The following DGKI variants were observed in gnomAD, a reference collection of about 807,000 sequenced individuals.
DGKI encodes the protein DAG kinase iota.
DGKI carries 55 observed loss-of-function variants against 147.5 expected under a neutral mutation model. That is an observed-to-expected ratio of 0.37 (90% CI 0.30 to 0.47). The LOEUF (loss-of-function observed/expected upper bound fraction) is 0.47. DGKI is among the 20% of genes least tolerant of loss of function. The pLI is 1.00. For synonymous variants in DGKI, 469 were observed against 477.1 expected, an observed-to-expected ratio of 0.98 and a Z score of 0.22; for missense variants, 1,007 against 1,323.8, an observed-to-expected ratio of 0.76 and a Z score of 3.71.
At chr7:137,603,882 T>C (rs1191424377) in intron 10 of DGKI, among the ~76,000 whole-genome samples, 2 of 152,178 alleles carry the variant, frequency 1.3e-5, no homozygotes, top group African/African-American at 4.8e-5. Flanking sequence ...ACAGCTGAAG[T>C]GAGCTGTGGT....
intron 1 of DGKI, among the ~76,000 whole-genome samples, chr7:137,711,712 T>A (rs1585397673): frequency 7.0e-6 from 1 of 142,920 alleles, no homozygotes; most frequent in African/African-American, 2.7e-5. Context: ...TTTTTTTTTT[T>A]AAGACGGAGT....
At chr7:137,520,660 G>T (rs3857867) in intron 21 of DGKI, among the ~76,000 whole-genome samples, 4,870 of 152,142 alleles carry the variant, frequency 0.032, 216 homozygotes, top group East Asian at 0.11. Flanking sequence ...AGCTGAAGCA[G>T]CTGAGAGAAT....
At chr7:137,451,868 A>T (rs1357620708) in intron 27 of DGKI, among the ~76,000 whole-genome samples, 1 of 151,438 alleles carries the variant, frequency 6.6e-6, no homozygotes, top group Admixed American at 6.6e-5. Context: ...TGCTTTATTT[A>T]TTTTTTTTCA....
chr7:137,479,136 C>T (rs111261654), intron 23 of DGKI, among the ~76,000 whole-genome samples: 3 of 152,242 alleles, frequency 2.0e-5, no homozygotes, highest in African/African-American at 7.2e-5. Context: ...CATTTTGGAT[C>T]TGTGACTTTT....
In DGKI at chr7:137,381,074, A is replaced by G. The variant is rs1249498384; in HGVS notation, c.*10146T>C. 1 of 152,058 alleles carries G rather than the reference A, an allele frequency of 6.6e-6. No homozygotes were observed. Among genetic ancestry groups the G allele is most frequent in the Non-Finnish European group, 1.5e-5 (1 of 67,986 alleles). The allele number at this position is 152,058 out of a possible 1,614,324, so 9.4% of individuals were successfully genotyped here. On this transcript the variant is annotated 3_prime_UTR_variant, in exon 33 of 33. Coordinates refer to ENST00000614521, the MANE Select transcript of DGKI (RefSeq NM_001321708.2). Reference sequence around the variant, plus strand: ...TTTTTATTCTGTACATTTCCACACAATTCACAATACAGAAAAAGTGTCCAA... The same window carrying G: ...TTTTTATTCTGTACATTTCCACACAGTTCACAATACAGAAAAAGTGTCCAA...
At chr7:137,626,729 G>A (rs1358864974) in intron 6 of DGKI, among the ~76,000 whole-genome samples, 1 of 152,172 alleles carries the variant, frequency 6.6e-6, no homozygotes, top group African/African-American at 2.4e-5. Flanking sequence ...GAGTGCCTCT[G>A]TCCAGTCCGG....
At chr7:137,827,003 C>T (rs1798076803) in intron 1 of DGKI, among the ~76,000 whole-genome samples, 1 of 152,188 alleles carries the variant, frequency 6.6e-6, no homozygotes, top group Non-Finnish European at 1.5e-5. Flanking sequence ...TCCTATTATT[C>T]CTAAGGCATG....
intron 1 of DGKI, among the ~76,000 whole-genome samples, chr7:137,705,799 G>T (rs1006702800): frequency 1.3e-5 from 2 of 152,070 alleles, no homozygotes; most frequent in Non-Finnish European, 1.5e-5. Flanking sequence ...ATGGAGGTCA[G>T]TATCCATGAA....
chr7:137,619,747 G>T, intron 8 of DGKI, 77 bp downstream of exon 8: 1 of 1,117,940 alleles, frequency 8.9e-7, no homozygotes, highest in Non-Finnish European at 1.4e-6. Context: ...CCAAAGACTA[G>T]TCTGGGGAGA....
chr7:137,402,140 A>T (rs761027687), intron 30 of DGKI, among the ~76,000 whole-genome samples: 8 of 152,248 alleles, frequency 5.3e-5, no homozygotes, highest in African/African-American at 1.4e-4. Flanking sequence ...TAGAACAAAG[A>T]GGTTAGCAGT....
intron 21 of DGKI, among the ~76,000 whole-genome samples, chr7:137,495,502 CAAAAAAAAAAAAA>C (rs34551145): frequency 2.8e-4 from 16 of 57,388 alleles, no homozygotes; most frequent in Admixed American, 9.8e-4. Flanking sequence ...CTGGCAGAGA[CAAAAAAAAAAAAA>C]AAAAAAAAAA....
At chr7:137,412,998 G>A (rs1424455708) in intron 28 of DGKI, among the ~76,000 whole-genome samples, 2 of 152,102 alleles carry the variant, frequency 1.3e-5, no homozygotes, top group Admixed American at 6.5e-5. Flanking sequence ...GGCTAGGCAT[G>A]GTGGCTCATG....
At chr7:137,394,657 C>T (rs1381201832) in intron 32 of DGKI, among the ~76,000 whole-genome samples, 2 of 152,196 alleles carry the variant, frequency 1.3e-5, no homozygotes, top group Non-Finnish European at 2.9e-5. Flanking sequence ...ATACATGTCA[C>T]AGTACAATAT....
At chr7:137,416,102 A>AT (rs1812351349) in intron 28 of DGKI, among the ~76,000 whole-genome samples, 3 of 152,208 alleles carry the variant, frequency 2.0e-5, no homozygotes, top group African/African-American at 7.2e-5. Flanking sequence ...AGAGAAACAG[A>AT]GAAAGAAAGG....
At chr7:137,787,770 C>T (rs930509008) in intron 1 of DGKI, among the ~76,000 whole-genome samples, 5 of 152,138 alleles carry the variant, frequency 3.3e-5, no homozygotes. Context: ...CGGAATACTA[C>T]TCAGCCATGA....
In DGKI at chr7:137,835,392, T is replaced by G. The variant is rs1321561097; in HGVS notation, c.401+11070A>C. ...CAACAAATATGTTGAGGTGGCTATT[T>G]CTTCCCCTAAAAATCACTGAGCTAC... On this transcript the variant is annotated intron_variant, in intron 1 of 32. Coordinates refer to ENST00000614521, the MANE Select transcript of DGKI (RefSeq NM_001321708.2). Among the ~76,000 whole-genome samples, 4 of 152,314 alleles carry G rather than the reference T, an allele frequency of 2.6e-5. No homozygotes were observed. In the East Asian group the frequency reaches 7.7e-4, roughly 29 times the overall value.
At chr7:137,443,534 A>G (rs1201754147) in intron 28 of DGKI, among the ~76,000 whole-genome samples, 1 of 152,234 alleles carries the variant, frequency 6.6e-6, no homozygotes, top group Non-Finnish European at 1.5e-5. Context: ...ACAAAATGAG[A>G]TATTTTCTCT....
At chr7:137,709,587 G>A (rs1429080913) in intron 1 of DGKI, among the ~76,000 whole-genome samples, 1 of 152,040 alleles carries the variant, frequency 6.6e-6, no homozygotes, top group African/African-American at 2.4e-5. Context: ...CAAATACTTA[G>A]TATAAAGTAC....
chr7:137,645,660 C>G, intron 5 of DGKI, 123 bp from the exon 6 acceptor site: 3 of 815,898 alleles, frequency 3.7e-6, no homozygotes, highest in Non-Finnish European at 5.5e-6. Context: ...TCGAACTCCT[C>G]TGCTCAAGCA....
Sources: allele counts gnomAD v4.1 joint callset (sites outside exome capture counted in the v4.1 genomes callset), GRCh38; gene constraint gnomAD v4.1.1; transcripts MANE v1.5; gene names NCBI Gene and HGNC (gene_info 2026-07-23, HGNC 2026-07-21).